ERG: variants seen among roughly 807,000 people sequenced by gnomAD.
The protein encoded by ERG is ETS transcription factor ERG.
In ERG, 9 loss-of-function variants were observed where a neutral mutation model predicts 55.3. The ratio of observed to expected loss-of-function variants is 0.16; its 90% CI spans 0.10 to 0.28. The LOEUF is 0.28. ERG is among the 10% of genes least tolerant of loss of function. The pLI, the probability that ERG is intolerant of heterozygous loss-of-function variation, is 1.00. For missense variants in ERG, 434 were observed against 631.6 expected, an observed-to-expected ratio of 0.69 and a Z score of 3.35; for synonymous variants, 223 against 237.3, an observed-to-expected ratio of 0.94 and a Z score of 0.55.
chr21:38,445,256 C>A (rs984671613), intron 2 of ERG, 148 bp downstream of exon 2: 1 of 645,518 alleles, frequency 1.5e-6, no homozygotes, highest in Admixed American at 2.7e-5. Context: ...ATTCTCCTGC[C>A]TCAGGCTCCC....
chr21:38,587,523 T>A (rs911495767), upstream of ERG, among the ~76,000 whole-genome samples: 2 of 152,094 alleles, frequency 1.3e-5, no homozygotes, highest in Non-Finnish European at 2.9e-5. Context: ...CACACCCGGC[T>A]AATTTTTGTA....
chr21:38,424,181 GCTCGAGCT>G (rs776899913), intron 2 of ERG, among the ~76,000 whole-genome samples: 6,113 of 87,956 alleles, frequency 0.07, 207 homozygotes, highest in African/African-American at 0.082. Context: ...AGAGACCAGA[GCTCGAGCT>G]CTCTCTCTCT....
At chr21:38,514,733 T>C (rs1453572468) in intron 2 of ERG, among the ~76,000 whole-genome samples, 1 of 151,972 alleles carries the variant, frequency 6.6e-6, no homozygotes, top group African/African-American at 2.4e-5. Context: ...GAAATTGAAT[T>C]GGCAGTCTTA....
chr21:38,624,799 A>T (rs930407422), intron 1 of ERG, among the ~76,000 whole-genome samples: 6 of 152,194 alleles, frequency 3.9e-5, no homozygotes, highest in African/African-American at 1.4e-4. Flanking sequence ...CTAGAATAAT[A>T]CTTGAAACAT....
At chr21:38,603,633 C>G (rs965906865) in intron 1 of ERG, among the ~76,000 whole-genome samples, 1 of 151,932 alleles carries the variant, frequency 6.6e-6, no homozygotes, top group Non-Finnish European at 1.5e-5. Flanking sequence ...GAAAAATCAC[C>G]AACAGCATTC....
At chr21:38,404,366 G>A (rs1015331643) in intron 3 of ERG, among the ~76,000 whole-genome samples, 2 of 152,142 alleles carry the variant, frequency 1.3e-5, no homozygotes, top group Non-Finnish European at 2.9e-5. Flanking sequence ...GTTGGTGAGT[G>A]GTTTTTGCAT....
intron 1 of ERG, chr21:38,470,840 T>C (rs2059132783): frequency 6.6e-6 from 1 of 152,228 alleles, no homozygotes; most frequent in African/African-American, 2.4e-5. Flanking sequence ...GTGTGCATTT[T>C]GAGTTGAAAG....
At chr21:38,656,994 A>G (rs536646878) in intron 1 of ERG, among the ~76,000 whole-genome samples, 5 of 152,336 alleles carry the variant, frequency 3.3e-5, no homozygotes, top group Admixed American at 2.0e-4. Flanking sequence ...CATTCCCACT[A>G]AAACAATTCA....
upstream of ERG, among the ~76,000 whole-genome samples, chr21:38,589,219 G>A (rs968050772): frequency 2.0e-5 from 3 of 152,188 alleles, no homozygotes; most frequent in Non-Finnish European, 2.9e-5. Flanking sequence ...GAAGTAGCCT[G>A]GACCCCACGT....
At chr21:38,404,119 G>C (rs556986713) in intron 3 of ERG, among the ~76,000 whole-genome samples, 40 of 152,164 alleles carry the variant, frequency 2.6e-4, no homozygotes, top group Non-Finnish European at 5.4e-4. Context: ...GGAAATAAGA[G>C]TAAGCCACAC....
At chr21:38,423,997 A>AAAAGG (rs1389018935) in intron 2 of ERG, among the ~76,000 whole-genome samples, 1 of 151,932 alleles carries the variant, frequency 6.6e-6, no homozygotes, top group East Asian at 1.9e-4. Context: ...AAAAGAAAAG[A>AAAAGG]AAAGAAATGC....
At chr21:38,566,006 T>C (rs1229039933) in intron 2 of ERG, among the ~76,000 whole-genome samples, 1 of 152,156 alleles carries the variant, frequency 6.6e-6, no homozygotes, top group East Asian at 1.9e-4. Context: ...AGTGCTAACA[T>C]CTATAAAACT....
chr21:38,618,515 G>T (rs867564891), intron 1 of ERG, among the ~76,000 whole-genome samples: 111 of 152,170 alleles, frequency 7.3e-4, no homozygotes, highest in African/African-American at 2.5e-3. Context: ...GTCCCTAAGT[G>T]GACAAGAGCA....
At chr21:38,510,555 G>C (rs1376428006) in intron 2 of ERG, among the ~76,000 whole-genome samples, 2 of 152,122 alleles carry the variant, frequency 1.3e-5, no homozygotes, top group African/African-American at 4.8e-5. Flanking sequence ...TTTTGGAGTG[G>C]GGAGCTTTTT....
intron 1 of ERG, among the ~76,000 whole-genome samples, chr21:38,631,341 G>A (rs1197305091): frequency 1.3e-5 from 2 of 152,026 alleles, no homozygotes. Flanking sequence ...GGAGTTCTAT[G>A]AGTCACAGAA....
chr21:38,443,831 T>C (rs2058863964), intron 2 of ERG, among the ~76,000 whole-genome samples: 1 of 152,184 alleles, frequency 6.6e-6, no homozygotes, highest in Non-Finnish European at 1.5e-5. Flanking sequence ...GGACCCATCA[T>C]TGCATTTTCT....
intron 1 of ERG, among the ~76,000 whole-genome samples, chr21:38,651,503 A>C (rs2060488629): frequency 6.6e-6 from 1 of 152,248 alleles, no homozygotes; most frequent in Admixed American, 6.5e-5. Flanking sequence ...GATTTCATAT[A>C]GAAAAAAAAT....
At position 38,445,385 on chromosome 21, in the gene ERG, G is replaced by A. The variant is rs181347943; in HGVS notation, c.236+19C>T. ...GAAAATGGGAGGTCAGGGAGAGAAA[G>A]GGGCGGAAGTCTCCTTACCTTGAGC... is the stretch of plus-strand genomic sequence containing the variant. On this transcript the variant is annotated intron_variant, in intron 2 of 9. Transcript: ENST00000288319. 2.1e-4 allele frequency: 333 copies of A among 1,593,452 alleles called. No individual in the cohort carries two copies. In the East Asian group the frequency reaches 6.8e-3, roughly 33 times the overall value.
chr21:38,387,951 C>T (rs1987778385), intron 9 of ERG, among the ~76,000 whole-genome samples: 1 of 152,216 alleles, frequency 6.6e-6, no homozygotes, highest in Non-Finnish European at 1.5e-5. Context: ...GGCTGCCATG[C>T]TTAATCACTG....
Sources: allele counts gnomAD v4.1 joint callset (sites outside exome capture counted in the v4.1 genomes callset), GRCh38; gene constraint gnomAD v4.1.1; transcripts MANE v1.5; gene names NCBI Gene and HGNC (gene_info 2026-07-23, HGNC 2026-07-21).